The following PARP15 variants were observed in gnomAD, a reference collection of about 807,000 sequenced individuals.
The protein encoded by PARP15 is protein mono-ADP-ribosyltransferase PARP15.
PARP15 carries 50 observed loss-of-function variants against 62.1 expected under a neutral mutation model. The ratio of observed to expected loss-of-function variants is 0.81; its 90% CI spans 0.64 to 1.02. PARP15 has a LOEUF of 1.02. PARP15 is among the 50% of genes least tolerant of loss of function. The pLI, the probability that PARP15 is intolerant of heterozygous loss-of-function variation, is 0.00. For missense variants in PARP15, 820 were observed against 826.5 expected (o/e 0.99, Z 0.10); for synonymous variants, 309 against 293.1 (o/e 1.05, Z -0.55).
chr3:122,604,590 C>T (rs371556827), intron 1 of PARP15, among the ~76,000 whole-genome samples: 23 of 151,412 alleles, frequency 1.5e-4, no homozygotes, highest in East Asian at 1.4e-3. Flanking sequence ...TGTGGTGGCT[C>T]GCACCTGTAA....
intron 3 of PARP15, among the ~76,000 whole-genome samples, chr3:122,612,241 G>T (rs1935620798): frequency 6.6e-6 from 1 of 150,616 alleles, no homozygotes; most frequent in African/African-American, 2.4e-5. Context: ...TTTTTGTAAA[G>T]ATGGGGTTTC....
At chr3:122,580,908 T>A (rs933706978) in intron 1 of PARP15, among the ~76,000 whole-genome samples, 1 of 152,194 alleles carries the variant, frequency 6.6e-6, no homozygotes, top group Non-Finnish European at 1.5e-5. Context: ...CCTGGAAGAT[T>A]ATAATACTGT....
intron 2 of PARP15, among the ~76,000 whole-genome samples, chr3:122,609,251 A>G: frequency 6.6e-6 from 1 of 152,178 alleles, no homozygotes; most frequent in Middle Eastern, 3.2e-3. Flanking sequence ...AGTTTATGCT[A>G]ACTTCATATA....
At chr3:122,625,673 A>G (rs1336267115) in intron 8 of PARP15, among the ~76,000 whole-genome samples, 1 of 152,230 alleles carries the variant, frequency 6.6e-6, no homozygotes, top group African/African-American at 2.4e-5. Flanking sequence ...GGAAGGAAGA[A>G]CATGTGAAGA....
At position 122,625,840 on chromosome 3, in the gene PARP15, A is replaced by G. The variant is rs562896974; in HGVS notation, c.1232-987A>G. ...CCTAGCTAACTTCAAGAGGGATCAA[A>G]TGACTTACCCAAGATCAGACAGCTA... On this transcript the variant is annotated intron_variant, in intron 8 of 11. Coordinates refer to ENST00000464300, the MANE Select transcript of PARP15 (RefSeq NM_001113523.3). 8.5e-5 allele frequency among the ~76,000 whole-genome samples: 13 copies of G among 152,332 alleles called. No individual in the cohort carries two copies. In the South Asian group the frequency reaches 2.5e-3, roughly 29 times the overall value.
At chr3:122,624,927 G>C (rs948205913) in intron 8 of PARP15, among the ~76,000 whole-genome samples, 1 of 152,004 alleles carries the variant, frequency 6.6e-6, no homozygotes, top group Non-Finnish European at 1.5e-5. Flanking sequence ...TGAGGAACTT[G>C]AGGGTAGGTT....
chr3:122,589,273 T>C (rs1250214768), intron 1 of PARP15, among the ~76,000 whole-genome samples: 1 of 152,182 alleles, frequency 6.6e-6, no homozygotes, highest in Non-Finnish European at 1.5e-5. Context: ...GGGTCCACCC[T>C]CATGACCTCA....
intron 1 of PARP15, among the ~76,000 whole-genome samples, chr3:122,582,252 G>A (rs1382757941): frequency 7.2e-5 from 11 of 151,976 alleles, no homozygotes; most frequent in African/African-American, 2.7e-4. Flanking sequence ...GCTCACAGCA[G>A]CCTTGACTTC....
At chr3:122,579,289 C>T (rs1013468939) in intron 1 of PARP15, among the ~76,000 whole-genome samples, 10 of 152,140 alleles carry the variant, frequency 6.6e-5, no homozygotes, top group South Asian at 2.1e-4. Flanking sequence ...TTTACTCATT[C>T]GCTATGTTGT....
intron 1 of PARP15, among the ~76,000 whole-genome samples, chr3:122,584,214 A>G (rs1559921292): frequency 6.6e-6 from 1 of 152,232 alleles, no homozygotes; most frequent in Non-Finnish European, 1.5e-5. Context: ...TATTTGCCTA[A>G]GTAGAAGTCC....
Position 122,636,280 on chromosome 3 carries a change from C to A in PARP15, c.*180C>A. The A allele has an allele frequency of 1.7e-6, 1 of 605,348 alleles. No individual in the cohort carries two copies. The highest frequency in any genetic ancestry group is 2.8e-6 in the Non-Finnish European group (1 of 351,960). The allele number at this position is 605,348 out of a possible 1,614,324, so 37.5% of individuals were successfully genotyped here. A position where few individuals can be genotyped will look rare whatever the true frequency, so the allele number is the denominator to read the frequency against. ...TTTGTAGCATACCTTTTTTTCTCAGCAAATTGATGGGTGGAAGCTGAGAAA... is the reference window on the plus strand; with the variant it reads ...TTTGTAGCATACCTTTTTTTCTCAGAAAATTGATGGGTGGAAGCTGAGAAA... On this transcript the variant is annotated 3_prime_UTR_variant, in exon 12 of 12. Transcript: ENST00000464300.
chr3:122,615,818 C>T lies in PARP15; in HGVS notation c.811C>T (p.Pro271Ser), dbSNP rs1337122848. The T allele has an allele frequency of 1.9e-6, 3 of 1,613,508 alleles. No homozygotes were observed. Among genetic ancestry groups the T allele is most frequent in the Non-Finnish European group, 2.5e-6 (3 of 1,179,590 alleles). Residue 271 changes from proline to serine, a missense_variant, in exon 5 of 12, where the codon CCC (proline) becomes TCC (serine). By Grantham distance (74) the Pro-to-Ser change is moderately conservative. This residue lies in a region of PARP15 where 731 missense variants were observed against 727.7 expected (regional missense o/e 1.00). Coordinates refer to ENST00000464300, the MANE Select transcript of PARP15 (RefSeq NM_001113523.3). The part of the protein sequence containing the change: ...DEFTNWSRIN[P>S]NKARIPMAGD... ...ATTCACTAACTGGTCAAGAATAAAT[C>T]CCAACAAGGCCAGGATTCCCATGGC... is the stretch of plus-strand genomic sequence containing the variant.
chr3:122,597,659 A>G (rs1934463564), intron 1 of PARP15, among the ~76,000 whole-genome samples: 1 of 152,226 alleles, frequency 6.6e-6, no homozygotes, highest in South Asian at 2.1e-4. Flanking sequence ...ATTTGGAAAA[A>G]TAAATTTTGT....
intron 3 of PARP15, among the ~76,000 whole-genome samples, chr3:122,611,467 T>G (rs1406348179): frequency 6.6e-6 from 1 of 151,474 alleles, no homozygotes; most frequent in Non-Finnish European, 1.5e-5. Context: ...GCCTCCTGAA[T>G]AGCTGGGATT....
At chr3:122,618,571 C>T (rs1936135899) in intron 6 of PARP15, among the ~76,000 whole-genome samples, 1 of 152,094 alleles carries the variant, frequency 6.6e-6, no homozygotes, top group South Asian at 2.1e-4. Flanking sequence ...AATGAAATTC[C>T]AGATCAGTAG....
At chr3:122,595,740 C>T (rs2107490575) in intron 1 of PARP15, among the ~76,000 whole-genome samples, 1 of 152,252 alleles carries the variant, frequency 6.6e-6, no homozygotes. Context: ...GCCACAGTGC[C>T]CAGGGTGGTC....
intron 5 of PARP15, among the ~76,000 whole-genome samples, chr3:122,616,211 G>C (rs1446158048): frequency 6.6e-6 from 1 of 152,134 alleles, no homozygotes; most frequent in Non-Finnish European, 1.5e-5. Context: ...AACGTTGAAA[G>C]GTAGATCTAA....
chr3:122,605,160 C>T (rs908105490), intron 1 of PARP15, among the ~76,000 whole-genome samples: 20 of 152,150 alleles, frequency 1.3e-4, no homozygotes, highest in African/African-American at 4.6e-4. Context: ...AAGGTTGCTG[C>T]TGTATTTTTA....
At chr3:122,596,585 A>G (rs1559938505) in intron 1 of PARP15, among the ~76,000 whole-genome samples, 1 of 152,074 alleles carries the variant, frequency 6.6e-6, no homozygotes, top group South Asian at 2.1e-4. Context: ...CACCTTCAAG[A>G]TATATTCAGA....
Sources: gnomAD v4.1 joint callset for allele counts (sites outside exome capture counted in the v4.1 genomes callset) on GRCh38, gnomAD v4.1.1 for gene constraint, gnomAD v4.1.1 regional missense constraint, MANE v1.5 for transcripts, NCBI Gene and HGNC (gene_info 2026-07-23, HGNC 2026-07-21) for gene names.